KNDC1: variants seen among roughly 807,000 people sequenced by gnomAD.
KNDC1 encodes kinase non-catalytic C-lobe domain-containing protein 1.
Under a neutral mutation model 172.8 loss-of-function variants are expected in KNDC1, and 106 were observed. That is an observed-to-expected ratio of 0.61 (90% confidence interval 0.52 to 0.72). KNDC1 has a LOEUF of 0.72. Ranked by LOEUF, KNDC1 falls within the 30% of genes least tolerant of loss-of-function variation. KNDC1 has a pLI of 0.00. For synonymous variants in KNDC1, 1,083 were observed against 1,062.2 expected, an observed-to-expected ratio of 1.02 and a Z score of -0.38; for missense variants, 2,325 against 2,394.5, an observed-to-expected ratio of 0.97 and a Z score of 0.61.
chr10:133,168,421 C>G, intron 3 of KNDC1, 109 bp downstream of exon 3: 1 of 1,184,510 alleles, frequency 8.4e-7, no homozygotes, highest in Non-Finnish European at 1.3e-6. Flanking sequence ...CAAGTGGCCT[C>G]TGGCCGGGAG....
chr10:133,181,958 TC>T (rs1690914405), intron 3 of KNDC1, among the ~76,000 whole-genome samples: 1 of 152,344 alleles, frequency 6.6e-6, no homozygotes, highest in African/African-American at 2.4e-5. Context: ...TGTGACACTT[TC>T]TGTCTTGTTC....
intron 9 of KNDC1, among the ~76,000 whole-genome samples, chr10:133,192,560 A>G (rs1165199474): frequency 6.6e-6 from 1 of 152,248 alleles, no homozygotes; most frequent in Non-Finnish European, 1.5e-5. Context: ...CACGCTTGAA[A>G]CAAATGAAAA....
chr10:133,163,134 G>C lies in KNDC1; in HGVS notation c.102+2565G>C, dbSNP rs932779347. ...GTGCAATCCAGGCAGAACAGCGGCT[G>C]CAGAAGAGGCACACAGTCCAGGCGG... On this transcript the variant is annotated intron_variant, in intron 1 of 29. Coordinates refer to ENST00000304613, the MANE Select transcript of KNDC1 (RefSeq NM_152643.8). The surrounding 1 kb of genome is among the most constrained non-coding windows in gnomAD (Gnocchi z 4.4). Among the ~76,000 whole-genome samples, 3 of 152,220 alleles carry C rather than the reference G, an allele frequency of 2.0e-5. No homozygotes were observed. Among genetic ancestry groups the C allele is most frequent in the Non-Finnish European group, 4.4e-5 (3 of 68,040 alleles).
chr10:133,182,666 A>G (rs781764132), intron 3 of KNDC1, among the ~76,000 whole-genome samples: 5 of 152,240 alleles, frequency 3.3e-5, no homozygotes, highest in Non-Finnish European at 5.9e-5. Context: ...TCTCAAACAA[A>G]AAGAAAAACC....
intron 10 of KNDC1, among the ~76,000 whole-genome samples, 170 bp from the exon 11 acceptor site, chr10:133,196,888 G>A (rs968367724): frequency 1.3e-5 from 2 of 152,170 alleles, no homozygotes; most frequent in African/African-American, 4.8e-5. Flanking sequence ...CCCTTTTCAG[G>A]AAATGCTCTA....
chr10:133,180,704 C>A (rs1468937663), intron 3 of KNDC1, among the ~76,000 whole-genome samples: 5 of 152,232 alleles, frequency 3.3e-5, no homozygotes, highest in African/African-American at 1.2e-4. Flanking sequence ...GCAACACACA[C>A]AGCAAGCGTG....
chr10:133,179,997 G>A (rs545248347), intron 3 of KNDC1, among the ~76,000 whole-genome samples: 54 of 152,308 alleles, frequency 3.5e-4, no homozygotes, highest in African/African-American at 1.2e-3. Context: ...TCTGCCAGAC[G>A]CCTGCCCGTG....
intron 26 of KNDC1, among the ~76,000 whole-genome samples, chr10:133,216,065 G>A (rs1014752470): frequency 2.6e-5 from 4 of 152,194 alleles, no homozygotes; most frequent in East Asian, 3.8e-4. Context: ...CTGTGAGGTC[G>A]GAACAATCCA....
In KNDC1 at chr10:133,198,461, C is replaced by T; in HGVS notation, c.2031C>T (p.Phe677=). Reference sequence around the variant, plus strand: ...CGTTCACCTCCGAGGCCACGCACTTCAAGCCCATTGTCCTCGCGCAGAACG... The same window carrying T: ...CGTTCACCTCCGAGGCCACGCACTTTAAGCCCATTGTCCTCGCGCAGAACG... ...PAAFTSEATH[F]KPIVLAQNAS... is the part of the protein sequence containing the mutation. The change falls in exon 13 of 30, where the codon TTC becomes TTT. Residue 677 remains phenylalanine (F), a synonymous_variant. Transcript: ENST00000304613. The T allele has an allele frequency of 6.2e-7, 1 of 1,606,762 alleles. No individual in the cohort carries two copies. Among genetic ancestry groups the T allele is most frequent in the Non-Finnish European group, 8.5e-7 (1 of 1,177,026 alleles).
At chr10:133,222,079 CAA>C (rs1845605919) in intron 29 of KNDC1, among the ~76,000 whole-genome samples, 5 of 149,894 alleles carry the variant, frequency 3.3e-5, no homozygotes, top group Admixed American at 3.3e-4. Flanking sequence ...GTCAGGAGTT[CAA>C]GACCAGCCTG....
chr10:133,213,586 T>C, intron 24 of KNDC1, 59 bp from the exon 25 acceptor site: 1 of 1,493,164 alleles, frequency 6.7e-7, no homozygotes. Context: ...GGACCCTGCC[T>C]TGGACACAAG....
chr10:133,195,805 C>T lies in KNDC1; in HGVS notation c.1718C>T (p.Ala573Val), dbSNP rs370092960. The T allele has an allele frequency of 7.5e-5, 117 of 1,569,282 alleles. 1 individual carries two copies. In the Middle Eastern group the frequency reaches 1.1e-3, roughly 15 times the overall value. ...ARRSAPERPS[A>V]AEAIKVCGSY... ...CGCAGTGCCCCGGAGCGGCCGTCCG[C>T]GGCTGAGGCCATCAAGGTAACCACA... Residue 573 changes from alanine (A) to valine (V), a missense_variant, in exon 10 of 30, where the codon GCG (alanine) becomes GTG (valine). Ala to Val is a moderately conservative substitution (Grantham distance 64, BLOSUM62 0). Transcript: ENST00000304613.
At chr10:133,205,764 G>T (rs1845168342) in intron 17 of KNDC1, among the ~76,000 whole-genome samples, 1 of 152,192 alleles carries the variant, frequency 6.6e-6, no homozygotes, top group Non-Finnish European at 1.5e-5. Flanking sequence ...AACCCAGGGA[G>T]TTGGAGGTTG....
At chr10:133,192,295 C>T (rs571429494) in intron 9 of KNDC1, among the ~76,000 whole-genome samples, 1 of 152,244 alleles carries the variant, frequency 6.6e-6, no homozygotes, top group South Asian at 2.1e-4. Context: ...GGCACTGGTA[C>T]AAAAACACAT....
intron 3 of KNDC1, among the ~76,000 whole-genome samples, chr10:133,170,714 G>A (rs1203052156): frequency 1.3e-5 from 2 of 152,216 alleles, no homozygotes; most frequent in African/African-American, 2.4e-5. Flanking sequence ...CAAAATTAGT[G>A]AGAAGAGTGG....
chr10:133,217,616 A>G (rs9419029), intron 26 of KNDC1, among the ~76,000 whole-genome samples: 8,160 of 60,418 alleles, frequency 0.14, 1 homozygote, highest in East Asian at 0.25. Flanking sequence ...TGAGGCAGGC[A>G]GATCATGAGG....
intron 26 of KNDC1, among the ~76,000 whole-genome samples, chr10:133,215,212 C>T (rs1845448277): frequency 6.6e-6 from 1 of 152,196 alleles, no homozygotes. Flanking sequence ...GGCCACGAAC[C>T]CCATCACTGC....
At chr10:133,191,431 G>A (rs1427662246) in intron 9 of KNDC1, among the ~76,000 whole-genome samples, 1 of 151,890 alleles carries the variant, frequency 6.6e-6, no homozygotes, top group Non-Finnish European at 1.5e-5. Flanking sequence ...CGGGTGTGGT[G>A]GCTCACACCT....
intron 24 of KNDC1, among the ~76,000 whole-genome samples, chr10:133,213,288 C>G (rs368330701): frequency 1.8e-4 from 28 of 152,330 alleles, no homozygotes; most frequent in African/African-American, 6.3e-4. Context: ...CTTGTGCCCC[C>G]ACCCAGCTGC....
Sources: allele counts gnomAD v4.1 joint callset (sites outside exome capture counted in the v4.1 genomes callset), GRCh38; gene constraint gnomAD v4.1.1; non-coding constraint Gnocchi (gnomAD v3.1); transcripts MANE v1.5; gene names NCBI Gene and HGNC (gene_info 2026-07-23, HGNC 2026-07-21).